KDM3A: variants seen among roughly 807,000 people sequenced by gnomAD.
KDM3A encodes the protein lysine demethylase 3A.
KDM3A carries 60 observed loss-of-function variants against 158.0 expected under a neutral mutation model. The ratio of observed to expected loss-of-function variants is 0.38; its 90% confidence interval spans 0.31 to 0.47. The LOEUF is 0.47. Among genes scored for constraint, KDM3A ranks in the 20% least tolerant of loss-of-function variants. The probability of loss-of-function intolerance (pLI) is 0.99; values close to 1 mark genes in which losing one functional copy is unlikely to be tolerated. For missense variants in KDM3A, 1,319 were observed against 1,574.3 expected (o/e 0.84, Z 2.74); for synonymous variants, 608 against 549.3 (o/e 1.11, Z -1.49).
chr2:86,460,270 T>C (rs1672873898), intron 8 of KDM3A, among the ~76,000 whole-genome samples: 1 of 152,218 alleles, frequency 6.6e-6, no homozygotes, highest in Non-Finnish European at 1.5e-5. Flanking sequence ...GTAGCCTCCT[T>C]GATTCCCTTG....
At chr2:86,473,045 T>C (rs149626390) in intron 11 of KDM3A, among the ~76,000 whole-genome samples, 31 of 152,250 alleles carry the variant, frequency 2.0e-4, no homozygotes, top group Non-Finnish European at 2.9e-5. Flanking sequence ...TCTGCTCTTA[T>C]AAGAATTAAT....
intron 4 of KDM3A, among the ~76,000 whole-genome samples, chr2:86,453,521 A>G (rs1478462331): frequency 2.6e-5 from 4 of 152,224 alleles, no homozygotes; most frequent in East Asian, 3.8e-4. Context: ...CTGGACAACT[A>G]TCTTGCACTT....
chr2:86,475,129 C>A, intron 12 of KDM3A, 139 bp downstream of exon 12: 1 of 695,178 alleles, frequency 1.4e-6, no homozygotes, highest in Non-Finnish European at 2.5e-6. Flanking sequence ...TGCATTTTTC[C>A]TTTTGCAACA....
At chr2:86,477,167 C>G (rs1026879305) in intron 12 of KDM3A, among the ~76,000 whole-genome samples, 14 of 152,204 alleles carry the variant, frequency 9.2e-5, no homozygotes, top group African/African-American at 3.4e-4. Context: ...ACAGAAAATG[C>G]TGCTTTGTGG....
Position 86,457,075 on chromosome 2 carries a change from A to G in KDM3A, c.843+4A>G. 6.6e-7 allele frequency: 1 copy of G among 1,509,410 alleles called. No individual in the cohort carries two copies. Among genetic ancestry groups the G allele is most frequent in the Non-Finnish European group, 9.0e-7 (1 of 1,109,810 alleles). The allele number at this position is 1,509,410 out of a possible 1,614,324, so 93.5% of individuals were successfully genotyped here. On this transcript the variant is annotated splice_donor_region_variant and intron_variant, in intron 8 of 25. Transcript: ENST00000312912. ...ACAAGCAAAATCTTGCTCTGAGGTA[A>G]CCTTTATTTATGTCACTTGTGTAAA... is the stretch of plus-strand genomic sequence containing the variant.
chr2:86,459,021 T>C lies in KDM3A; in HGVS notation c.843+1950T>C, dbSNP rs114651873. Among the ~76,000 whole-genome samples the C allele has an allele frequency of 2.2e-3, 332 of 152,196 alleles. 1 individual carries two copies. The highest frequency in any genetic ancestry group is 3.7e-3 in the Non-Finnish European group (249 of 67,996). On this transcript the variant is annotated intron_variant, in intron 8 of 25. Coordinates refer to ENST00000312912, the MANE Select transcript of KDM3A (RefSeq NM_018433.6). ...GTTGGATTTGGTGGAAGACTAGGTGTTAGGACTGAAGAAGCACAGGAATCT... is the reference window on the plus strand; with the variant it reads ...GTTGGATTTGGTGGAAGACTAGGTGCTAGGACTGAAGAAGCACAGGAATCT...
chr2:86,446,525 A>G (rs1315242118), intron 2 of KDM3A, among the ~76,000 whole-genome samples: 1 of 152,174 alleles, frequency 6.6e-6, no homozygotes, highest in East Asian at 1.9e-4. Flanking sequence ...CCTGGCCAAC[A>G]TGGTGAAACC....
chr2:86,456,874 TGTG>T lies in KDM3A; in HGVS notation c.754_754+2del, dbSNP rs1469117621. 3.1e-6 allele frequency: 5 copies of T among 1,608,062 alleles called. No homozygotes were observed. The highest frequency in any genetic ancestry group is 4.3e-6 in the Non-Finnish European group (5 of 1,174,938). ...AGTTGTACACGATAACCTTGTGACA[TGTG>T]GTAAGATATGTTATTAAAATCTTTC... On this transcript the variant is annotated inframe_deletion and splice_region_variant, in exon 7 of 26. Transcript: ENST00000312912.
rs1339915039 is a variant in KDM3A at position 86,456,432 on chromosome 2, T to TTC, written c.557-9_557-8insCT. ...TGCTCTAAGATTTTTTTTTTTTTTT[T>TTC]TTTTTTAAGGTGACAAAAACTTAGT... On this transcript the variant is annotated splice_polypyrimidine_tract_variant and intron_variant, in intron 5 of 25. Transcript: ENST00000312912. 5 of 1,432,676 alleles carry TTC rather than the reference T, an allele frequency of 3.5e-6. No individual in the cohort carries two copies. In the East Asian group the frequency reaches 1.3e-4, roughly 38 times the overall value. The allele number at this position is 1,432,676 out of a possible 1,614,324, so 88.7% of individuals were successfully genotyped here. A position where few individuals can be genotyped will look rare whatever the true frequency, so the allele number is the denominator to read the frequency against.
In KDM3A at chr2:86,492,486, T is replaced by C. The variant is rs960442074; in HGVS notation, c.*367T>C. On this transcript the variant is annotated 3_prime_UTR_variant, in exon 26 of 26. Coordinates refer to ENST00000312912, the MANE Select transcript of KDM3A (RefSeq NM_018433.6). ...CTGCACAGTTTATTTGGGTTGTGTT[T>C]TGTGTCTGAGTCCCCTCCCTCATCC... 5 of 177,424 alleles carry C rather than the reference T, an allele frequency of 2.8e-5. No individual in the cohort carries two copies. Among genetic ancestry groups the C allele is most frequent in the Non-Finnish European group, 6.0e-5 (5 of 84,026 alleles). 11.0% of individuals were successfully genotyped at this position (177,424 alleles called of 1,614,324 possible).
intron 11 of KDM3A, among the ~76,000 whole-genome samples, chr2:86,473,208 G>T (rs1216841611): frequency 6.6e-6 from 1 of 152,178 alleles, no homozygotes; most frequent in Non-Finnish European, 1.5e-5. Context: ...GCCCAGGCTG[G>T]AGTGCATTGG....
chr2:86,477,031 C>T (rs1340793954), intron 12 of KDM3A, among the ~76,000 whole-genome samples: 1 of 152,322 alleles, frequency 6.6e-6, no homozygotes, highest in African/African-American at 2.4e-5. Flanking sequence ...GCTCATACTT[C>T]TGAAAGCTTG....
Position 86,482,020 on chromosome 2 carries a change from C to T in KDM3A, c.2603C>T (p.Thr868Met), listed in dbSNP as rs747826404. 9.9e-6 allele frequency: 16 copies of T among 1,613,852 alleles called. No individual in the cohort carries two copies. Among genetic ancestry groups the T allele is most frequent in the East Asian group, 2.2e-5 (1 of 44,896 alleles). ...PLSKSSTVLH[T>M]FNSTILTPVS... is the part of the protein sequence containing the mutation. Reference sequence around the variant, plus strand: ...AGCAAATCCAGCACAGTCCTCCATACGTTTAACAGCACAATTTTGACACCC... The same window carrying T: ...AGCAAATCCAGCACAGTCCTCCATATGTTTAACAGCACAATTTTGACACCC... The change falls in exon 17 of 26, where the codon ACG (threonine) becomes ATG (methionine). Residue 868 changes from threonine to methionine, a missense_variant. Thr to Met is a moderately conservative substitution (Grantham distance 81). This residue lies in a region of KDM3A where 368 missense variants were observed against 415.8 expected (regional missense o/e 0.89). Transcript: ENST00000312912.
rs182941106 is a variant in KDM3A, at chr2:86,482,783, C to T, written c.2922+89C>T. The T allele has an allele frequency of 1.5e-3, 1,761 of 1,192,048 alleles. 29 individuals carry two copies. In the East Asian group the frequency reaches 0.019, roughly 13 times the overall value. 73.8% of individuals were successfully genotyped at this position (1,192,048 alleles called of 1,614,324 possible). A position where few individuals can be genotyped will look rare whatever the true frequency, so the allele number is the denominator to read the frequency against. On this transcript the variant is annotated intron_variant, in intron 18 of 25. Coordinates refer to ENST00000312912, the MANE Select transcript of KDM3A (RefSeq NM_018433.6). Reference sequence around the variant, plus strand: ...TTCTGACAACCCCACCCCAGGCTTTCCCCCTCCTTCACCTCCTGTTTTATT... The same window carrying T: ...TTCTGACAACCCCACCCCAGGCTTTTCCCCTCCTTCACCTCCTGTTTTATT...
chr2:86,489,460 A>AG (rs1450470782), intron 22 of KDM3A, 23 bp downstream of exon 22: 15 of 1,612,932 alleles, frequency 9.3e-6, no homozygotes, highest in Non-Finnish European at 1.3e-5. Context: ...GCATAAAAGG[A>AG]GGGCTTACTC....
chr2:86,452,086 C>T (rs1353317730), intron 4 of KDM3A, among the ~76,000 whole-genome samples: 3 of 152,086 alleles, frequency 2.0e-5, no homozygotes, highest in African/African-American at 7.2e-5. Context: ...TTGCATGATG[C>T]AGGTTCCCAG....
In KDM3A at chr2:86,466,470, T is replaced by C; in HGVS notation, c.1106T>C (p.Leu369Pro). Residue 369 changes from leucine to proline, a missense_variant, in exon 10 of 26, where the codon CTC becomes CCC. By Grantham distance (98) the Leu-to-Pro change is moderately conservative (BLOSUM62 -3). Around this residue, in one of 4 missense-constraint regions of KDM3A, gnomAD observed 652 missense variants for 627.2 expected, o/e 1.04. Transcript: ENST00000312912. ...TKPDVCKAGLLSKSSQIGTGD... is the reference protein window; with the variant it reads ...TKPDVCKAGLPSKSSQIGTGD... ...CCAGATGTCTGCAAAGCAGGGTTGC[T>C]CTCAAAGTCCTCTCAGATTGGAACT... 3 of 1,613,908 alleles carry C rather than the reference T, an allele frequency of 1.9e-6. No homozygotes were observed. The highest frequency in any genetic ancestry group is 1.1e-5 in the South Asian group (1 of 91,080).
chr2:86,453,249 T>C (rs139059835), intron 4 of KDM3A, among the ~76,000 whole-genome samples: 192 of 152,294 alleles, frequency 1.3e-3, no homozygotes, highest in African/African-American at 4.5e-3. Flanking sequence ...AGAACTATAA[T>C]GTGTGGTCTT....
At chr2:86,437,147 C>CT (rs112429205), upstream of KDM3A, among the ~76,000 whole-genome samples, 51 of 147,836 alleles carry the variant, frequency 3.4e-4, no homozygotes, top group South Asian at 6.4e-4. Flanking sequence ...ACATTATATA[C>CT]TTTTTTTTTT....
Sources: allele counts gnomAD v4.1 joint callset (sites outside exome capture counted in the v4.1 genomes callset), GRCh38; gene constraint gnomAD v4.1.1; regional missense constraint gnomAD v4.1.1; transcripts MANE v1.5; gene names NCBI Gene and HGNC (gene_info 2026-07-23, HGNC 2026-07-21).